The following SULT2B1 variants were observed in gnomAD, a reference collection of about 807,000 sequenced individuals.
The protein encoded by SULT2B1 is sulfotransferase 2B1.
Under a neutral mutation model 33.2 loss-of-function variants are expected in SULT2B1, and 16 were observed. The ratio of observed to expected loss-of-function variants is 0.48; its 90% CI spans 0.33 to 0.73. SULT2B1 has a LOEUF of 0.73. Ranked by LOEUF, SULT2B1 falls within the 30% of genes least tolerant of loss-of-function variation. The pLI is 0.02. For synonymous variants in SULT2B1, 186 were observed against 200.5 expected (o/e 0.93, Z 0.61); for missense variants, 500 against 506.0 (o/e 0.99, Z 0.11).
intron 2 of SULT2B1, among the ~76,000 whole-genome samples, chr19:48,585,581 A>C (rs908317333): frequency 2.6e-5 from 4 of 151,972 alleles, no homozygotes; most frequent in African/African-American, 9.7e-5. Context: ...AGGCAGGAGA[A>C]TCACTTGAAA....
At chr19:48,598,990 T>C in intron 6 of SULT2B1, 145 bp from the exon 7 acceptor site, 1 of 1,392,090 alleles carries the variant, frequency 7.2e-7, no homozygotes, top group Non-Finnish European at 9.5e-7. Context: ...AAGGGGGCAA[T>C]GTGGAGGGTA....
chr19:48,579,322 G>A (rs1005279270), intron 2 of SULT2B1, among the ~76,000 whole-genome samples: 11 of 137,300 alleles, frequency 8.0e-5, no homozygotes, highest in Admixed American at 7.3e-4. Context: ...TCGCTCTGTC[G>A]CCCAGGCTGG....
chr19:48,579,605 C>CTTTCTTTTTTTTTTTTT (rs71179013), intron 2 of SULT2B1, among the ~76,000 whole-genome samples: 3 of 79,736 alleles, frequency 3.8e-5, no homozygotes, highest in African/African-American at 5.0e-5. Context: ...TTCTTTCTTT[C>CTTTCTTTTTTTTTTTTT]TTTTTTTTTT....
intron 1 of SULT2B1, among the ~76,000 whole-genome samples, chr19:48,555,055 G>A (rs1173931242): frequency 1.3e-5 from 2 of 152,104 alleles, no homozygotes; most frequent in African/African-American, 4.8e-5. Context: ...CCGAGTAGCT[G>A]GGATGACAGG....
intron 2 of SULT2B1, among the ~76,000 whole-genome samples, chr19:48,581,472 GTTTTTT>G (rs4011541): frequency 8.4e-6 from 1 of 118,912 alleles, no homozygotes; most frequent in Non-Finnish European, 1.6e-5. Context: ...AGATTTGAGA[GTTTTTT>G]TTTTTTTTTT....
intron 3 of SULT2B1, among the ~76,000 whole-genome samples, chr19:48,588,468 C>T (rs562247812): frequency 2.0e-3 from 301 of 151,012 alleles, no homozygotes; most frequent in African/African-American, 6.4e-3. Context: ...GCCGAGATCG[C>T]GCCATTGCAC....
At chr19:48,577,028 A>ATTTTTTTTTTTTT (rs71179012) in intron 2 of SULT2B1, among the ~76,000 whole-genome samples, 1 of 92,954 alleles carries the variant, frequency 1.1e-5, no homozygotes, top group Non-Finnish European at 1.9e-5. Context: ...ACCCCCCTCT[A>ATTTTTTTTTTTTT]TTTTTTTTTT....
chr19:48,584,132 C>G (rs1973532432), intron 2 of SULT2B1, among the ~76,000 whole-genome samples: 1 of 152,150 alleles, frequency 6.6e-6, no homozygotes, highest in South Asian at 2.1e-4. Flanking sequence ...AAACACCACA[C>G]ACAGGAATAG....
intron 6 of SULT2B1, among the ~76,000 whole-genome samples, chr19:48,597,418 A>G (rs1476272181): frequency 7.0e-6 from 1 of 142,686 alleles, no homozygotes; most frequent in Non-Finnish European, 1.5e-5. Flanking sequence ...ATCTCGGCTC[A>G]CTGCGACCTC....
intron 1 of SULT2B1, among the ~76,000 whole-genome samples, chr19:48,555,345 G>C (rs937044608): frequency 7.2e-5 from 11 of 152,170 alleles, no homozygotes; most frequent in African/African-American, 2.7e-4. Flanking sequence ...ACCCGCCTTG[G>C]TCTCCCAAAG....
rs138367946 is a variant in SULT2B1 at position 48,559,171 on chromosome 19, C to A, written c.71+6848C>A. Among the ~76,000 whole-genome samples the A allele has an allele frequency of 3.4e-4, 51 of 152,236 alleles. No individual in the cohort carries two copies. In the East Asian group the frequency reaches 6.2e-3, roughly 18 times the overall value. On this transcript the variant is annotated intron_variant, in intron 1 of 6. Coordinates refer to ENST00000201586, the MANE Select transcript of SULT2B1 (RefSeq NM_177973.2). ...AAGATGCTCACGGTTCCCTCCTTCT[C>A]CACCCAGCCCCTGACGAGGGACTCA...
At chr19:48,590,122 G>C (rs150927766) in intron 3 of SULT2B1, among the ~76,000 whole-genome samples, 9 of 152,090 alleles carry the variant, frequency 5.9e-5, no homozygotes, top group African/African-American at 2.2e-4. Flanking sequence ...CAAATAGCTG[G>C]GATTACAGGC....
chr19:48,586,222 C>CA (rs1973559914), intron 2 of SULT2B1, among the ~76,000 whole-genome samples: 2 of 151,826 alleles, frequency 1.3e-5, no homozygotes, highest in Non-Finnish European at 2.9e-5. Context: ...ATTCTGTCCC[C>CA]AAAAAAATAA....
chr19:48,588,066 C>T (rs1448504902), intron 3 of SULT2B1, among the ~76,000 whole-genome samples: 2 of 151,478 alleles, frequency 1.3e-5, no homozygotes, highest in South Asian at 2.1e-4. Context: ...AAAAATTAGT[C>T]GGATCTGGTG....
At chr19:48,588,855 G>A (rs73053569) in intron 3 of SULT2B1, among the ~76,000 whole-genome samples, 21,509 of 152,038 alleles carry the variant, frequency 0.14, 2,090 homozygotes, top group East Asian at 0.44. Context: ...GGGTGTATCT[G>A]AGGTGCAAGA....
intron 1 of SULT2B1, among the ~76,000 whole-genome samples, chr19:48,555,306 GTTC>G (rs1209606792): frequency 6.6e-6 from 1 of 152,116 alleles, no homozygotes; most frequent in African/African-American, 2.4e-5. Context: ...TGGCCAGGCT[GTTC>G]TCGAACTCCT....
At chr19:48,588,363 T>A (rs1973594278) in intron 3 of SULT2B1, among the ~76,000 whole-genome samples, 1 of 151,686 alleles carries the variant, frequency 6.6e-6, no homozygotes, top group South Asian at 2.1e-4. Flanking sequence ...AAATACAAAG[T>A]TAGCTGGGCG....
At chr19:48,589,131 T>C (rs997267441) in intron 3 of SULT2B1, among the ~76,000 whole-genome samples, 2 of 152,056 alleles carry the variant, frequency 1.3e-5, no homozygotes, top group African/African-American at 4.8e-5. Flanking sequence ...GAGGCGGCGC[T>C]GGCCGGGGTC....
chr19:48,555,692 AG>A (rs1973091502), intron 1 of SULT2B1, among the ~76,000 whole-genome samples: 1 of 151,756 alleles, frequency 6.6e-6, no homozygotes, highest in Non-Finnish European at 1.5e-5. Context: ...CTCTTGCCTC[AG>A]CCTCCAGAGT....
Sources: allele counts gnomAD v4.1 joint callset (sites outside exome capture counted in the v4.1 genomes callset), GRCh38; gene constraint gnomAD v4.1.1; transcripts MANE v1.5; gene names NCBI Gene and HGNC (gene_info 2026-07-23, HGNC 2026-07-21).